FHIT: variants seen among roughly 807,000 people sequenced by gnomAD.
FHIT encodes the protein fragile histidine triad diadenosine triphosphatase.
In FHIT, 19 loss-of-function variants were observed where a neutral mutation model predicts 17.9. The ratio of observed to expected loss-of-function variants is 1.06; its 90% CI spans 0.74 to 1.56. The LOEUF (loss-of-function observed/expected upper bound fraction) is 1.56, where lower values mean the gene tolerates loss of function less well. Ranked by LOEUF, FHIT falls within the 40% of genes most tolerant of loss-of-function variation. The probability of loss-of-function intolerance (pLI) is 0.00; values close to 1 mark genes in which losing one functional copy is unlikely to be tolerated. For synonymous variants in FHIT, 81 were observed against 69.7 expected, an observed-to-expected ratio of 1.16 and a Z score of -0.81; for missense variants, 248 against 189.2, an observed-to-expected ratio of 1.31 and a Z score of -1.82.
chr3:61,192,191 C>A (rs2107213295), intron 2 of FHIT, among the ~76,000 whole-genome samples: 1 of 152,264 alleles, frequency 6.6e-6, no homozygotes, highest in South Asian at 2.1e-4. Flanking sequence ...ACTTTGGTAA[C>A]AATGTTGAGC....
chr3:60,669,750 C>T (rs2040468633), intron 4 of FHIT, among the ~76,000 whole-genome samples: 1 of 152,124 alleles, frequency 6.6e-6, no homozygotes, highest in Non-Finnish European at 1.5e-5. Flanking sequence ...GCAGGGAATG[C>T]CATGGAATGT....
chr3:60,476,100 C>A (rs1356831535), intron 5 of FHIT, among the ~76,000 whole-genome samples: 1 of 152,162 alleles, frequency 6.6e-6, no homozygotes, highest in Non-Finnish European at 1.5e-5. Context: ...AAACTGATGG[C>A]TGTGCAGTCA....
chr3:59,881,636 G>A (rs1047047865), intron 8 of FHIT, among the ~76,000 whole-genome samples: 31 of 152,106 alleles, frequency 2.0e-4, no homozygotes, highest in Admixed American at 2.6e-4. Flanking sequence ...CTGGCTCTAT[G>A]AAGACTTCAA....
intron 3 of FHIT, among the ~76,000 whole-genome samples, chr3:60,912,931 T>TA (rs1706819851): frequency 6.6e-6 from 1 of 152,264 alleles, no homozygotes; most frequent in Non-Finnish European, 1.5e-5. Flanking sequence ...TGTTTTTTCT[T>TA]ATGTTAATCT....
At chr3:61,151,578 T>TTCTTTTC (rs1262686729) in intron 2 of FHIT, among the ~76,000 whole-genome samples, 17 of 83,786 alleles carry the variant, frequency 2.0e-4, no homozygotes, top group South Asian at 3.9e-4. Context: ...TTCTTTTCTT[T>TTCTTTTC]TTTTTTTTTT....
At chr3:60,493,290 G>A (rs1258598798) in intron 5 of FHIT, among the ~76,000 whole-genome samples, 1 of 152,172 alleles carries the variant, frequency 6.6e-6, no homozygotes, top group Non-Finnish European at 1.5e-5. Flanking sequence ...TCTGTAGATG[G>A]TAGGCATTTT....
At chr3:60,655,378 C>T (rs1346311667) in intron 4 of FHIT, among the ~76,000 whole-genome samples, 8 of 152,150 alleles carry the variant, frequency 5.3e-5, no homozygotes, top group Non-Finnish European at 8.8e-5. Flanking sequence ...AGCTCTTTTA[C>T]TAAAAACAAC....
intron 5 of FHIT, among the ~76,000 whole-genome samples, chr3:60,284,885 T>A (rs1369413152): frequency 6.6e-6 from 1 of 152,130 alleles, no homozygotes; most frequent in Non-Finnish European, 1.5e-5. Context: ...ATTATTTAAT[T>A]CTCTAAAAGA....
At chr3:60,715,979 G>A (rs909509306) in intron 4 of FHIT, among the ~76,000 whole-genome samples, 3 of 152,076 alleles carry the variant, frequency 2.0e-5, no homozygotes, top group East Asian at 1.9e-4. Flanking sequence ...GGCTGAGCAC[G>A]GTGGCTCATG....
intron 3 of FHIT, among the ~76,000 whole-genome samples, chr3:60,918,911 T>C (rs1707142292): frequency 1.3e-5 from 2 of 152,226 alleles, no homozygotes; most frequent in Admixed American, 1.3e-4. Context: ...TCTTTAAACT[T>C]TTACTCCCTA....
chr3:60,124,128 T>C (rs1038773995), intron 5 of FHIT, among the ~76,000 whole-genome samples: 21 of 147,130 alleles, frequency 1.4e-4, no homozygotes, highest in Admixed American at 2.7e-4. Context: ...TCATGGCTCA[T>C]TGTAGCTTTG....
chr3:61,046,893 A>G (rs1191117146), intron 2 of FHIT, among the ~76,000 whole-genome samples: 1 of 152,224 alleles, frequency 6.6e-6, no homozygotes, highest in Non-Finnish European at 1.5e-5. Context: ...GACAAAAACC[A>G]CATGATTATC....
chr3:59,769,427 G>A (rs1241459978), intron 8 of FHIT, among the ~76,000 whole-genome samples: 2 of 152,178 alleles, frequency 1.3e-5, no homozygotes, highest in Non-Finnish European at 2.9e-5. Flanking sequence ...CTGGACGCCT[G>A]CTAGTCTCTA....
intron 5 of FHIT, among the ~76,000 whole-genome samples, chr3:60,109,310 C>G (rs142390867): frequency 2.6e-5 from 4 of 152,230 alleles, no homozygotes; most frequent in East Asian, 1.9e-4. Context: ...AATTTATCAG[C>G]AGAGTTTGTG....
At position 60,666,715 on chromosome 3, in the gene FHIT, C is replaced by T. The variant is rs565191122; in HGVS notation, c.-17-129736G>A. ...ACAGGATCTCCCTCTATCACCCAGG[C>T]TGGAGTATAGTGGCACAATCACAGC... On this transcript the variant is annotated intron_variant, in intron 4 of 9. Transcript: ENST00000492590. Among the ~76,000 whole-genome samples, 31 of 152,266 alleles carry T rather than the reference C, an allele frequency of 2.0e-4. 1 individual carries two copies. The South Asian group carries it at 3.9e-3, about 19-fold the overall frequency.
At chr3:60,911,371 GCACACA>G (rs35183064) in intron 3 of FHIT, among the ~76,000 whole-genome samples, 10 of 149,044 alleles carry the variant, frequency 6.7e-5, no homozygotes, top group African/African-American at 1.2e-4. Flanking sequence ...TTCTTTGCAT[GCACACA>G]CACACACACA....
chr3:60,109,872 A>C (rs191232209), intron 5 of FHIT, among the ~76,000 whole-genome samples: 2 of 152,234 alleles, frequency 1.3e-5, no homozygotes, highest in African/African-American at 4.8e-5. Flanking sequence ...CCAATGATGT[A>C]TTTCTCGTAC....
chr3:60,118,070 G>C (rs140793992), intron 5 of FHIT, among the ~76,000 whole-genome samples: 257 of 152,252 alleles, frequency 1.7e-3, no homozygotes, highest in African/African-American at 5.9e-3. Flanking sequence ...AAACCTCACA[G>C]TAATCGTGAA....
intron 4 of FHIT, chr3:60,690,368 T>TGGCA: frequency 1.7e-6 from 1 of 575,022 alleles, no homozygotes; most frequent in Admixed American, 1.9e-5. Flanking sequence ...CACTTGGTCT[T>TGGCA]GGCAGGGCAC....
Sources: allele counts gnomAD v4.1 joint callset (sites outside exome capture counted in the v4.1 genomes callset), GRCh38; gene constraint gnomAD v4.1.1; transcripts MANE v1.5; gene names NCBI Gene and HGNC (gene_info 2026-07-23, HGNC 2026-07-21).